THSD4: variants seen among roughly 807,000 people sequenced by gnomAD.
THSD4 encodes the protein thrombospondin type 1 domain containing 4.
A neutral mutation model predicts 119.0 loss-of-function variants in THSD4; 69 were observed. The observed-to-expected ratio is 0.58, with a 90% CI of 0.48 to 0.71. The LOEUF is 0.71. Ranked by LOEUF, THSD4 falls within the 30% of genes least tolerant of loss-of-function variation. THSD4 has a pLI of 0.00. For synonymous variants in THSD4, 524 were observed against 540.4 expected, an observed-to-expected ratio of 0.97 and a Z score of 0.42; for missense variants, 1,393 against 1,391.1, an observed-to-expected ratio of 1.00 and a Z score of -0.02.
intron 8 of THSD4, among the ~76,000 whole-genome samples, chr15:71,695,501 C>CGT (rs370049077): frequency 5.8e-4 from 67 of 115,394 alleles, no homozygotes; most frequent in African/African-American, 2.3e-3. Context: ...TGTGTGTGTG[C>CGT]ATGTGTGTGT....
chr15:71,408,976 T>C (rs111589103), intron 6 of THSD4, among the ~76,000 whole-genome samples: 3 of 152,250 alleles, frequency 2.0e-5, no homozygotes, highest in African/African-American at 7.2e-5. Flanking sequence ...GTAGTTTTGT[T>C]AAGAAGTCCC....
intron 7 of THSD4, among the ~76,000 whole-genome samples, chr15:71,576,096 C>CT (rs1475241990): frequency 1.2e-4 from 12 of 103,782 alleles, no homozygotes; most frequent in Middle Eastern, 5.6e-3. Flanking sequence ...AGATAGTAGT[C>CT]TTTTTTGTGG....
chr15:71,747,840 A>G (rs1312846623), intron 13 of THSD4, among the ~76,000 whole-genome samples: 1 of 152,248 alleles, frequency 6.6e-6, no homozygotes, highest in African/African-American at 2.4e-5. Flanking sequence ...GGAACTGACA[A>G]TAATATTCTT....
intron 6 of THSD4, among the ~76,000 whole-genome samples, chr15:71,382,884 T>C (rs1206358185): frequency 1.3e-5 from 2 of 152,240 alleles, no homozygotes; most frequent in African/African-American, 2.4e-5. Context: ...TGTCCAGCAA[T>C]TAATGTTCCA....
chr15:71,436,152 G>A (rs1246121122), intron 7 of THSD4, among the ~76,000 whole-genome samples: 2 of 152,102 alleles, frequency 1.3e-5, no homozygotes, highest in Non-Finnish European at 2.9e-5. Flanking sequence ...AATAGATGCG[G>A]GTCTGATGAG....
In THSD4 at chr15:71,421,314, C is replaced by CA. The variant is rs1456354809; in HGVS notation, c.1152+9491_1152+9492insA. On this transcript the variant is annotated intron_variant, in intron 7 of 17. Coordinates refer to ENST00000261862, the MANE Select transcript of THSD4 (RefSeq NM_024817.3). ...TCATTAACATCATTTTCTTTCTAGT[C>CA]TCTTTCTACTCCCTTTAGTATTTCT... is the stretch of plus-strand genomic sequence containing the variant. 3.4e-4 allele frequency among the ~76,000 whole-genome samples: 20 copies of CA among 58,960 alleles called. No homozygotes were observed. The Admixed American group carries it at 4.2e-3, about 12-fold the overall frequency. The allele number at this position is 58,960 out of a possible 152,430, so 38.7% of individuals were successfully genotyped here. A position where few individuals can be genotyped will look rare whatever the true frequency, so the allele number is the denominator to read the frequency against.
chr15:71,557,401 A>T (rs935024768), intron 7 of THSD4, among the ~76,000 whole-genome samples: 1 of 152,086 alleles, frequency 6.6e-6, no homozygotes, highest in Admixed American at 6.5e-5. Context: ...AGGGTTCTTT[A>T]AAAAAATATA....
At chr15:71,169,284 G>A (rs1464140755) in intron 3 of THSD4, among the ~76,000 whole-genome samples, 1 of 152,236 alleles carries the variant, frequency 6.6e-6, no homozygotes, top group African/African-American at 2.4e-5. Flanking sequence ...CACTACCAGT[G>A]TTGGTGAGGA....
chr15:71,202,176 G>T (rs1040244669), intron 3 of THSD4, among the ~76,000 whole-genome samples: 5 of 152,118 alleles, frequency 3.3e-5, no homozygotes, highest in African/African-American at 9.7e-5. Flanking sequence ...CTCTGGGAAG[G>T]GGACTTTGCA....
At chr15:71,098,210 T>C (rs2040239691) in intron 1 of THSD4, among the ~76,000 whole-genome samples, 1 of 134,388 alleles carries the variant, frequency 7.4e-6, no homozygotes, top group East Asian at 2.5e-4. Context: ...TTTTTTTTTT[T>C]TTTGGGGGGA....
chr15:71,329,841 G>A (rs534324583), intron 6 of THSD4, among the ~76,000 whole-genome samples: 1 of 152,320 alleles, frequency 6.6e-6, no homozygotes, highest in Admixed American at 6.5e-5. Context: ...AGCACTTTAG[G>A]AGGCCAAGGT....
chr15:71,369,625 A>C (rs1300031443), intron 6 of THSD4, among the ~76,000 whole-genome samples: 1 of 152,180 alleles, frequency 6.6e-6, no homozygotes, highest in Non-Finnish European at 1.5e-5. Context: ...CATCCCAGGG[A>C]TGAAGCCCAC....
At chr15:71,460,896 A>G (rs934840027) in intron 7 of THSD4, among the ~76,000 whole-genome samples, 6 of 152,142 alleles carry the variant, frequency 3.9e-5, no homozygotes, top group African/African-American at 1.4e-4. Flanking sequence ...CTACTATTTA[A>G]GCACTACAGA....
chr15:71,559,304 A>G (rs757618424), intron 7 of THSD4, among the ~76,000 whole-genome samples: 16 of 151,660 alleles, frequency 1.1e-4, no homozygotes, highest in Non-Finnish European at 2.1e-4. Context: ...TGAGTTTAGA[A>G]TTTTTTCATC....
At chr15:71,098,012 C>T (rs887595857) in intron 1 of THSD4, among the ~76,000 whole-genome samples, 1 of 151,906 alleles carries the variant, frequency 6.6e-6, no homozygotes, top group Non-Finnish European at 1.5e-5. Context: ...ACTTGCATTA[C>T]TTCATAGGAG....
chr15:71,372,683 C>T (rs906652853), intron 6 of THSD4, among the ~76,000 whole-genome samples: 4 of 152,200 alleles, frequency 2.6e-5, no homozygotes, highest in Admixed American at 6.5e-5. Flanking sequence ...GTCAGTGTGC[C>T]CCTACCGGGG....
intron 6 of THSD4, among the ~76,000 whole-genome samples, chr15:71,333,599 A>G (rs1421496245): frequency 1.3e-5 from 2 of 152,180 alleles, no homozygotes; most frequent in African/African-American, 2.4e-5. Context: ...CAGTGATCTT[A>G]GGGGACATTC....
chr15:71,426,396 TGTGTG>T (rs1566978428), intron 7 of THSD4, among the ~76,000 whole-genome samples: 2 of 93,166 alleles, frequency 2.1e-5, no homozygotes, highest in African/African-American at 6.4e-5. Context: ...TGTGTGTGTG[TGTGTG>T]TGTGTTCAGG....
rs1036980489 is a variant in THSD4, at chr15:71,459,410, C to G, written c.1152+47587C>G. Among the ~76,000 whole-genome samples, 20 of 145,392 alleles carry G rather than the reference C, an allele frequency of 1.4e-4. 1 individual carries two copies. The highest frequency in any genetic ancestry group is 2.5e-4 in the Non-Finnish European group (16 of 64,550). ...TCTCTCTCTCTCTCTCTCTCTGTCT[C>G]TCTCTCTCTCTCTCGTCAACATGCT... On this transcript the variant is annotated intron_variant, in intron 7 of 17. Coordinates refer to ENST00000261862, the MANE Select transcript of THSD4 (RefSeq NM_024817.3).
Sources: allele counts gnomAD v4.1 joint callset (sites outside exome capture counted in the v4.1 genomes callset), GRCh38; gene constraint gnomAD v4.1.1; transcripts MANE v1.5; gene names NCBI Gene and HGNC (gene_info 2026-07-23, HGNC 2026-07-21).